Variants in NRXN1 observed in about 807,000 individuals in gnomAD.
The protein encoded by NRXN1 is neurexin 1.
Under a neutral mutation model 150.9 loss-of-function variants are expected in NRXN1, and 39 were observed. The ratio of observed to expected loss-of-function variants is 0.26; its 90% CI spans 0.20 to 0.34. The LOEUF is 0.34. NRXN1 is among the 10% of genes least tolerant of loss of function. The probability of loss-of-function intolerance (pLI) is 1.00; values close to 1 mark genes in which losing one functional copy is unlikely to be tolerated. For synonymous variants in NRXN1, 924 were observed against 757.0 expected (o/e 1.22, Z -3.62); for missense variants, 1,815 against 1,949.9 (o/e 0.93, Z 1.30).
intron 15 of NRXN1, among the ~76,000 whole-genome samples, chr2:50,477,687 G>A (rs1338625045): frequency 6.6e-6 from 1 of 152,006 alleles, no homozygotes; most frequent in East Asian, 1.9e-4. Flanking sequence ...TTTTTAAAAA[G>A]CATACAGAAA....
chr2:50,886,335 T>C lies in NRXN1; in HGVS notation c.832+35534A>G, dbSNP rs56046047. Among the ~76,000 whole-genome samples, 393 of 151,606 alleles carry C rather than the reference T, an allele frequency of 2.6e-3. 4 individuals carry two copies. The highest frequency in any genetic ancestry group is 9.0e-3 in the African/African-American group (373 of 41,498). ...TGTCAAATTTTTATCTAGATTGTTC[T>C]TTCTGGAATGCAATAAAATGATGGT... On this transcript the variant is annotated intron_variant, in intron 5 of 22. Coordinates refer to ENST00000401669, the MANE Select transcript of NRXN1 (RefSeq NM_001330078.2).
intron 18 of NRXN1, among the ~76,000 whole-genome samples, chr2:50,209,414 A>C (rs943885621): frequency 1.3e-5 from 2 of 152,146 alleles, no homozygotes; most frequent in Non-Finnish European, 2.9e-5. Flanking sequence ...TAGTTTCAGG[A>C]TTACAGTCTA....
chr2:50,941,967 C>T (rs931043894), intron 2 of NRXN1, among the ~76,000 whole-genome samples: 1 of 152,176 alleles, frequency 6.6e-6, no homozygotes, highest in Non-Finnish European at 1.5e-5. Flanking sequence ...GGCCTTGAGG[C>T]CTGGGAGGGA....
intron 9 of NRXN1, among the ~76,000 whole-genome samples, chr2:50,541,852 G>C (rs189824248): frequency 1.4e-3 from 207 of 152,138 alleles, no homozygotes; most frequent in African/African-American, 4.7e-3. Context: ...TTTAGCACCA[G>C]CTAAAATGTT....
chr2:50,796,517 T>C (rs543681484), intron 5 of NRXN1, among the ~76,000 whole-genome samples: 13 of 152,172 alleles, frequency 8.5e-5, no homozygotes, highest in Non-Finnish European at 1.6e-4. Context: ...GGATGACTAA[T>C]GGAAGGTTAA....
At chr2:50,781,584 A>G (rs367801006) in intron 5 of NRXN1, among the ~76,000 whole-genome samples, 2 of 152,210 alleles carry the variant, frequency 1.3e-5, no homozygotes, top group South Asian at 2.1e-4. Flanking sequence ...CAACAGTAAC[A>G]CACCAGCCAA....
intron 22 of NRXN1, among the ~76,000 whole-genome samples, chr2:49,926,654 T>C (rs1464708032): frequency 6.6e-6 from 1 of 151,608 alleles, no homozygotes; most frequent in Non-Finnish European, 1.5e-5. Flanking sequence ...CATTAAAAAG[T>C]AAAAAAAAAT....
In NRXN1 at chr2:50,346,990, A is replaced by G; in HGVS notation, c.3365-110020T>C. 1 of 1,358,404 alleles carries G rather than the reference A, an allele frequency of 7.4e-7. No homozygotes were observed. The highest frequency in any genetic ancestry group is 9.5e-7 in the Non-Finnish European group (1 of 1,056,364). 84.1% of individuals were successfully genotyped at this position (1,358,404 alleles called of 1,614,324 possible). ...GAGGGGCAGCCGCCGCGGGAGGCAA[A>G]GTTTGGGGCGCGGGGAGAGGAGAGG... is the stretch of plus-strand genomic sequence containing the variant. On this transcript the variant is annotated intron_variant, in intron 17 of 22. Coordinates refer to ENST00000401669, the MANE Select transcript of NRXN1 (RefSeq NM_001330078.2). This position sits in a 1 kb window ranked among gnomAD's most constrained non-coding sequence, Gnocchi z 5.0.
At chr2:50,664,503 A>T (rs1017664375) in intron 5 of NRXN1, among the ~76,000 whole-genome samples, 6 of 148,512 alleles carry the variant, frequency 4.0e-5, no homozygotes, top group East Asian at 2.0e-4. Flanking sequence ...TTGATGATTT[A>T]AAAAAAAAAT....
At chr2:50,844,534 T>G in intron 5 of NRXN1, among the ~76,000 whole-genome samples, 1 of 152,222 alleles carries the variant, frequency 6.6e-6, no homozygotes, top group East Asian at 1.9e-4. Context: ...ATATTTCGTA[T>G]AGGTGGTATT....
chr2:50,412,923 A>G (rs1160281887), intron 17 of NRXN1, among the ~76,000 whole-genome samples: 1 of 152,216 alleles, frequency 6.6e-6, no homozygotes, highest in African/African-American at 2.4e-5. Context: ...TCCATATGTG[A>G]AAATCAAACC....
At chr2:50,936,400 C>G (rs1334265978) in intron 2 of NRXN1, among the ~76,000 whole-genome samples, 2 of 152,102 alleles carry the variant, frequency 1.3e-5, no homozygotes, top group East Asian at 3.8e-4. Context: ...CTAGAGAAAA[C>G]ACACTTTTAC....
chr2:50,423,911 C>T (rs1341805921), intron 17 of NRXN1, among the ~76,000 whole-genome samples: 15 of 152,088 alleles, frequency 9.9e-5, no homozygotes, highest in Non-Finnish European at 7.4e-5. Context: ...CCATAGGCAA[C>T]AGCAGGTCCA....
intron 5 of NRXN1, among the ~76,000 whole-genome samples, chr2:50,767,273 T>C (rs1702485980): frequency 6.6e-6 from 1 of 152,102 alleles, no homozygotes; most frequent in South Asian, 2.1e-4. Context: ...AATTGATTTA[T>C]ACAATAATAT....
At chr2:50,317,709 A>G (rs2075725003) in intron 17 of NRXN1, among the ~76,000 whole-genome samples, 1 of 152,052 alleles carries the variant, frequency 6.6e-6, no homozygotes. Flanking sequence ...ATCTCAGTAA[A>G]TCTAAAGAAA....
intron 8 of NRXN1, among the ~76,000 whole-genome samples, chr2:50,572,901 G>A (rs931989377): frequency 6.6e-6 from 1 of 152,118 alleles, no homozygotes; most frequent in East Asian, 1.9e-4. Context: ...CATTAATTGT[G>A]TGAATTTGAG....
At chr2:50,906,280 C>T (rs867236732) in intron 5 of NRXN1, among the ~76,000 whole-genome samples, 4 of 152,148 alleles carry the variant, frequency 2.6e-5, no homozygotes, top group Middle Eastern at 3.4e-3. Context: ...CATTTCTCTT[C>T]CTTTGACTCC....
chr2:50,668,737 G>A (rs1484186631), intron 5 of NRXN1, among the ~76,000 whole-genome samples: 1 of 151,940 alleles, frequency 6.6e-6, no homozygotes, highest in East Asian at 1.9e-4. Context: ...ACAGCATAGG[G>A]ATTCCTCCTC....
intron 8 of NRXN1, among the ~76,000 whole-genome samples, chr2:50,565,282 A>G (rs1248524543): frequency 2.0e-5 from 3 of 152,156 alleles, no homozygotes; most frequent in Admixed American, 6.6e-5. Context: ...CTCCTAAAAA[A>G]AAAAGAAAAG....
Sources: gnomAD v4.1 joint callset for allele counts (sites outside exome capture counted in the v4.1 genomes callset) on GRCh38, gnomAD v4.1.1 for gene constraint, Gnocchi (gnomAD v3.1) non-coding constraint, MANE v1.5 for transcripts, NCBI Gene and HGNC (gene_info 2026-07-23, HGNC 2026-07-21) for gene names.